DCTD: variants seen among roughly 807,000 people sequenced by gnomAD.
The protein encoded by DCTD is dCMP deaminase.
A neutral mutation model predicts 21.0 loss-of-function variants in DCTD; 23 were observed. The observed-to-expected ratio is 1.09, with a 90% CI of 0.79 to 1.55. The LOEUF is 1.55. Among genes scored for constraint, DCTD ranks in the 40% most tolerant of loss-of-function variants. DCTD has a pLI of 0.00. For missense variants in DCTD, 224 were observed against 230.0 expected, an observed-to-expected ratio of 0.97 and a Z score of 0.17; for synonymous variants, 71 against 81.1, an observed-to-expected ratio of 0.88 and a Z score of 0.67.
At chr4:182,904,408 C>G (rs1477960420) in intron 3 of DCTD, among the ~76,000 whole-genome samples, 1 of 152,210 alleles carries the variant, frequency 6.6e-6, no homozygotes, top group Non-Finnish European at 1.5e-5. Context: ...CCAAGAGAAA[C>G]AGAGCGCTAA....
chr4:182,916,310 G>A (rs1340264970), intron 1 of DCTD: 9 of 892,178 alleles, frequency 1.0e-5, no homozygotes, highest in African/African-American at 3.6e-5. Flanking sequence ...GACTGTCTAC[G>A]GCAGGGAGAG....
chr4:182,893,600 G>A (rs1734196788), intron 4 of DCTD, among the ~76,000 whole-genome samples: 1 of 152,250 alleles, frequency 6.6e-6, no homozygotes, highest in Non-Finnish European at 1.5e-5. Context: ...ATCTCAGCAG[G>A]CAGCGCTAAC....
intron 4 of DCTD, 145 bp downstream of exon 4, chr4:182,894,344 A>G: frequency 1.7e-6 from 1 of 591,542 alleles, no homozygotes; most frequent in Non-Finnish European, 3.0e-6. Flanking sequence ...ATTCAAAAAC[A>G]AAACACGGGA....
chr4:182,901,245 C>G (rs1333732206), intron 3 of DCTD, among the ~76,000 whole-genome samples: 2 of 152,184 alleles, frequency 1.3e-5, no homozygotes, highest in Admixed American at 6.5e-5. Context: ...TTATTCTACC[C>G]TCAACTGATC....
intron 3 of DCTD, among the ~76,000 whole-genome samples, chr4:182,898,960 C>T (rs774109983): frequency 3.3e-5 from 5 of 152,176 alleles, no homozygotes; most frequent in Non-Finnish European, 7.4e-5. Context: ...CAGAATGGAT[C>T]CCGCATACAA....
chr4:182,891,357 AG>A lies in DCTD; in HGVS notation c.*41del. The A allele has an allele frequency of 7.1e-7, 1 of 1,407,914 alleles. No homozygotes were observed. The highest frequency in any genetic ancestry group is 1.0e-6 in the Non-Finnish European group (1 of 993,010). The allele number at this position is 1,407,914 out of a possible 1,614,324, so 87.2% of individuals were successfully genotyped here. A position where few individuals can be genotyped will look rare whatever the true frequency, so the allele number is the denominator to read the frequency against. ...TGAAAGGCATTAGCAACCTCTTAGA[AG>A]ACGATAATCCCAATCTTCTGGAGAT... On this transcript the variant is annotated 3_prime_UTR_variant, in exon 6 of 6. Transcript: ENST00000438320.
intron 5 of DCTD, among the ~76,000 whole-genome samples, chr4:182,892,523 G>C (rs982519228): frequency 6.6e-6 from 1 of 152,112 alleles, no homozygotes; most frequent in Admixed American, 6.5e-5. Context: ...GTGTGGCAGG[G>C]GAGGCTGAGG....
intron 3 of DCTD, chr4:182,911,348 G>C (rs1048501488): frequency 2.6e-5 from 4 of 152,116 alleles, no homozygotes; most frequent in South Asian, 2.1e-4. Flanking sequence ...TGTGAATTTG[G>C]GGGGAGACAC....
upstream of DCTD, chr4:182,917,426 C>A (rs560020634): frequency 7.2e-5 from 67 of 936,834 alleles, no homozygotes; most frequent in South Asian, 2.6e-3. This position sits in a 1 kb window ranked among gnomAD's most constrained non-coding sequence, Gnocchi z 4.9. Flanking sequence ...GGCAGCGGCC[C>A]GGGCGCCGCG....
intron 3 of DCTD, among the ~76,000 whole-genome samples, chr4:182,914,577 T>A (rs1433609031): frequency 6.6e-6 from 1 of 152,116 alleles, no homozygotes. Context: ...ACCATGCACA[T>A]CCCTCAGCTA....
In DCTD at chr4:182,915,574, G is replaced by A. The variant is rs369796838; in HGVS notation, c.-6C>T. 1.9e-6 allele frequency: 3 copies of A among 1,590,658 alleles called. No individual in the cohort carries two copies. The highest frequency in any genetic ancestry group is 2.6e-6 in the Non-Finnish European group (3 of 1,158,818). On this transcript the variant is annotated splice_region_variant and 5_prime_UTR_variant, in exon 2 of 6. Transcript: ENST00000438320. ...TTGCAGGAAACTTCACTCATGTTGG[G>A]TCTAGAAGAAAAACATGACAAAACA... is the stretch of plus-strand genomic sequence containing the variant.
At chr4:182,898,161 G>A (rs1231573400) in intron 3 of DCTD, among the ~76,000 whole-genome samples, 2 of 152,212 alleles carry the variant, frequency 1.3e-5, no homozygotes, top group African/African-American at 4.8e-5. Flanking sequence ...ACAGGCACCT[G>A]CCAAATCCAC....
Position 182,917,213 on chromosome 4 carries a change from C to A in DCTD, c.-8+98G>T. The stretch of plus-strand genomic sequence containing the variant: ...GCGTCCGCGGCCCCAGGCCCCCGCC[C>A]GGCAGCCAGCGCCCCGCGCCACGCG... On this transcript the variant is annotated intron_variant, in intron 1 of 5. Transcript: ENST00000438320. This position sits in a 1 kb window ranked among gnomAD's most constrained non-coding sequence, Gnocchi z 4.9. 1.0e-6 allele frequency: 1 copy of A among 994,680 alleles called. No homozygotes were observed. Among genetic ancestry groups the A allele is most frequent in the South Asian group, 4.6e-5 (1 of 21,968 alleles). The allele number at this position is 994,680 out of a possible 1,614,324, so 61.6% of individuals were successfully genotyped here. A position where few individuals can be genotyped will look rare whatever the true frequency, so the allele number is the denominator to read the frequency against.
intron 3 of DCTD, among the ~76,000 whole-genome samples, chr4:182,896,605 C>T (rs887755249): frequency 3.9e-5 from 6 of 152,106 alleles, no homozygotes; most frequent in Non-Finnish European, 7.4e-5. Context: ...GAGAAGGGTG[C>T]GAGGGCCCGG....
At chr4:182,905,046 G>A (rs114692133) in intron 3 of DCTD, among the ~76,000 whole-genome samples, 2,359 of 152,128 alleles carry the variant, frequency 0.016, 43 homozygotes, top group Non-Finnish European at 0.026. Context: ...ATCCTTTCCC[G>A]TGGCCTTATC....
At chr4:182,906,518 C>T (rs1404540463) in intron 3 of DCTD, among the ~76,000 whole-genome samples, 1 of 152,088 alleles carries the variant, frequency 6.6e-6, no homozygotes, top group Non-Finnish European at 1.5e-5. Flanking sequence ...TGAAAAACTC[C>T]AACGCATTAT....
At chr4:182,903,684 C>T (rs1454102324) in intron 3 of DCTD, among the ~76,000 whole-genome samples, 2 of 151,814 alleles carry the variant, frequency 1.3e-5, no homozygotes, top group African/African-American at 4.8e-5. Flanking sequence ...CCAGGGTGCC[C>T]ATCCGCCTGC....
chr4:182,916,549 G>A (rs896589874), intron 1 of DCTD: 2 of 987,590 alleles, frequency 2.0e-6, no homozygotes, highest in African/African-American at 3.5e-5. Flanking sequence ...CCTAAGACAA[G>A]GATGCAGTGG....
At chr4:182,899,405 CT>C (rs60007612) in intron 3 of DCTD, among the ~76,000 whole-genome samples, 18 of 139,146 alleles carry the variant, frequency 1.3e-4, no homozygotes, top group East Asian at 2.0e-4. Context: ...TTTTCTTTTT[CT>C]TTTTTTTTTA....
Sources: allele counts gnomAD v4.1 joint callset (sites outside exome capture counted in the v4.1 genomes callset), GRCh38; gene constraint gnomAD v4.1.1; non-coding constraint Gnocchi (gnomAD v3.1); transcripts MANE v1.5; gene names NCBI Gene and HGNC (gene_info 2026-07-23, HGNC 2026-07-21).